The following USP16 variants were observed in gnomAD, a reference collection of about 807,000 sequenced individuals.
The protein encoded by USP16 is ubiquitin specific peptidase 16.
In USP16, 77 loss-of-function variants were observed where a neutral mutation model predicts 95.9. That is an observed-to-expected ratio of 0.80 (90% CI 0.67 to 0.97). The LOEUF (loss-of-function observed/expected upper bound fraction) is 0.97, where lower values mean the gene tolerates loss of function less well. Ranked by LOEUF, USP16 falls within the 50% of genes least tolerant of loss-of-function variation. USP16 has a pLI of 0.00. For synonymous variants in USP16, 303 were observed against 318.2 expected, an observed-to-expected ratio of 0.95 and a Z score of 0.51; for missense variants, 943 against 959.9, an observed-to-expected ratio of 0.98 and a Z score of 0.23.
chr21:29,035,751 C>G (rs2085145500), intron 4 of USP16, among the ~76,000 whole-genome samples: 1 of 151,592 alleles, frequency 6.6e-6, no homozygotes, highest in Non-Finnish European at 1.5e-5. Flanking sequence ...CCCATCTCTA[C>G]TAAAAATACA....
chr21:29,047,377 T>C (rs928467795), intron 14 of USP16, 56 bp downstream of exon 14: 15 of 1,531,566 alleles, frequency 9.8e-6, no homozygotes, highest in Middle Eastern at 1.8e-4. Context: ...CATTTTGCAC[T>C]GCATAGGTAG....
In USP16 at chr21:29,046,992, A is replaced by G. The variant is rs765292425; in HGVS notation, c.1682A>G (p.Tyr561Cys). The G allele has an allele frequency of 6.2e-7, 1 of 1,614,116 alleles. No homozygotes were observed. Among genetic ancestry groups the G allele is most frequent in the South Asian group, 1.1e-5 (1 of 91,088 alleles). Residue 561 changes from tyrosine to cysteine, a missense_variant, in exon 14 of 18, where the codon TAC becomes TGC. Tyr to Cys is a radical substitution (Grantham distance 194, BLOSUM62 -2). Coordinates refer to ENST00000399976, the MANE Select transcript of USP16 (RefSeq NM_006447.3). ...CCCACTAGGAATTTAAATGGTGCCT[A>G]CCTAACGGAAGGGAGCAATGGAGAA... ...SSPTRNLNGA[Y>C]LTEGSNGEVD...
At chr21:29,040,216 G>A (rs935667824) in intron 9 of USP16, among the ~76,000 whole-genome samples, 3 of 152,092 alleles carry the variant, frequency 2.0e-5, no homozygotes, top group Non-Finnish European at 4.4e-5. Flanking sequence ...CTGTAGAGAA[G>A]TTCAGTACCT....
chr21:29,053,693 C>T (rs1432686431), intron 16 of USP16, 109 bp from the exon 17 acceptor site: 4 of 1,117,586 alleles, frequency 3.6e-6, no homozygotes, highest in African/African-American at 1.6e-5. Flanking sequence ...GATTTCTGCA[C>T]TCTCAAAGTA....
Position 29,024,972 on chromosome 21 carries a change from C to T in USP16, c.-42+195C>T. 7 of 500,650 alleles carry T rather than the reference C, an allele frequency of 1.4e-5. No homozygotes were observed. In the South Asian group the frequency reaches 1.6e-4, roughly 12 times the overall value. 31.0% of individuals were successfully genotyped at this position (500,650 alleles called of 1,614,324 possible). A position where few individuals can be genotyped will look rare whatever the true frequency, so the allele number is the denominator to read the frequency against. ...TTCCAGAAGCTGGCCAATGAGATGCCGCTGCTGGCGGCCTTCTCGACCCCG... is the reference window on the plus strand; with the variant it reads ...TTCCAGAAGCTGGCCAATGAGATGCTGCTGCTGGCGGCCTTCTCGACCCCG... On this transcript the variant is annotated intron_variant, in intron 1 of 17. Transcript: ENST00000399976.
chr21:29,051,163 T>G (rs577492105), intron 16 of USP16, among the ~76,000 whole-genome samples: 5 of 151,642 alleles, frequency 3.3e-5, no homozygotes, highest in Admixed American at 3.3e-4. Flanking sequence ...CAGATGGGAG[T>G]GCTGTAAATT....
chr21:29,025,259 A>G (rs1041241265), intron 1 of USP16, among the ~76,000 whole-genome samples: 5 of 152,210 alleles, frequency 3.3e-5, no homozygotes, highest in African/African-American at 9.6e-5. Flanking sequence ...CCACACGCTT[A>G]CATTTTTAAT....
At chr21:29,025,861 C>G in intron 1 of USP16, 1 of 351,196 alleles carries the variant, frequency 2.8e-6, no homozygotes, top group Non-Finnish European at 4.0e-6. Context: ...TAGGCAGTTC[C>G]AAAACTGTGC....
In USP16 at chr21:29,037,264, C is replaced by T. The variant is rs1568888000; in HGVS notation, c.449-12C>T. Reference sequence around the variant, plus strand: ...TATTACACATTTTGCTAAATCTTTTCTTTTTTTAAAGCAGAGAAAGATAAT... The same window carrying T: ...TATTACACATTTTGCTAAATCTTTTTTTTTTTTAAAGCAGAGAAAGATAAT... On this transcript the variant is annotated splice_polypyrimidine_tract_variant and intron_variant, in intron 5 of 17. Transcript: ENST00000399976. 2 of 1,487,770 alleles carry T rather than the reference C, an allele frequency of 1.3e-6. No homozygotes were observed. The highest frequency in any genetic ancestry group is 2.8e-5 in the African/African-American group (2 of 70,332). The allele number at this position is 1,487,770 out of a possible 1,614,324, so 92.2% of individuals were successfully genotyped here.
At chr21:29,035,673 G>A (rs1019230477) in intron 4 of USP16, among the ~76,000 whole-genome samples, 1 of 151,960 alleles carries the variant, frequency 6.6e-6, no homozygotes, top group Non-Finnish European at 1.5e-5. Flanking sequence ...ATGAGCCACC[G>A]TGCCTGGCTT....
chr21:29,032,772 A>G (rs2085096198), intron 3 of USP16, among the ~76,000 whole-genome samples: 1 of 152,220 alleles, frequency 6.6e-6, no homozygotes, highest in African/African-American at 2.4e-5. Context: ...TTTCTCTAGG[A>G]TAAATGCCCA....
In USP16 at chr21:29,041,994, G is replaced by A; in HGVS notation, c.1031-19G>A. On this transcript the variant is annotated intron_variant, in intron 10 of 17. Transcript: ENST00000399976. ...ATATAACGGTAATTGGTAATTGATA[G>A]ACTTTTTTTTCTCCATAGATTATGA... The A allele has an allele frequency of 5.0e-6, 8 of 1,604,928 alleles. No individual in the cohort carries two copies. The highest frequency in any genetic ancestry group is 6.8e-6 in the Non-Finnish European group (8 of 1,173,546).
rs765786858 is a variant in USP16, at chr21:29,027,855, C to G, written c.-41-18C>G. Reference sequence around the variant, plus strand: ...ATACTTTTTTTTTTGGTCAAGCTAACTTTATCTTGTTTTCTAGATTGTTAT... The same window carrying G: ...ATACTTTTTTTTTTGGTCAAGCTAAGTTTATCTTGTTTTCTAGATTGTTAT... On this transcript the variant is annotated intron_variant, in intron 1 of 17. Coordinates refer to ENST00000399976, the MANE Select transcript of USP16 (RefSeq NM_006447.3). The G allele has an allele frequency of 1.3e-6, 2 of 1,595,442 alleles. No homozygotes were observed. Among genetic ancestry groups the G allele is most frequent in the Non-Finnish European group, 1.7e-6 (2 of 1,164,548 alleles).
intron 16 of USP16, chr21:29,052,175 A>T (rs182890396): frequency 1.3e-4 from 20 of 152,048 alleles, no homozygotes; most frequent in Non-Finnish European, 2.4e-4. Context: ...TTTAATGTAA[A>T]CTCTCAGGTG....
intron 5 of USP16, among the ~76,000 whole-genome samples, chr21:29,036,819 T>G (rs768961885): frequency 1.3e-5 from 2 of 152,230 alleles, no homozygotes; most frequent in Non-Finnish European, 2.9e-5. Flanking sequence ...TTTAAGCATG[T>G]TTTTTAAGTT....
rs531563810 is a variant in USP16, at chr21:29,033,870, G to A, written c.241-967G>A. ...AAGTATAGGCTTCTGGGAGGAGGTG[G>A]CTTTTGAGCAAGATCTTGAAGAGTG... On this transcript the variant is annotated intron_variant, in intron 3 of 17. Transcript: ENST00000399976. Among the ~76,000 whole-genome samples the A allele has an allele frequency of 5.3e-5, 8 of 152,300 alleles. No individual in the cohort carries two copies. In the South Asian group the frequency reaches 6.2e-4, roughly 12 times the overall value.
At position 29,044,471 on chromosome 21, in the gene USP16, G is replaced by T. The variant is rs186559755; in HGVS notation, c.1356+872G>T. ...TCTTTTTTTTTTTTTTTTTGAGATG[G>T]TGTCTCACTCTGTCGCCCAGGCTGG... On this transcript the variant is annotated intron_variant, in intron 13 of 17. Coordinates refer to ENST00000399976, the MANE Select transcript of USP16 (RefSeq NM_006447.3). 7.6e-4 allele frequency among the ~76,000 whole-genome samples: 104 copies of T among 136,044 alleles called. 1 individual carries two copies. The East Asian group carries it at 0.017, about 22-fold the overall frequency. 89.3% of individuals were successfully genotyped at this position (136,044 alleles called of 152,430 possible). A position where few individuals can be genotyped will look rare whatever the true frequency, so the allele number is the denominator to read the frequency against.
chr21:29,025,789 T>G, intron 1 of USP16: 1 of 939,272 alleles, frequency 1.1e-6, no homozygotes, highest in Non-Finnish European at 1.3e-6. Context: ...TCTATTTTTC[T>G]ATTTCAATGC....
chr21:29,046,846 G>A lies in USP16; in HGVS notation c.1536G>A (p.Gln512=). 1 of 1,614,090 alleles carries A rather than the reference G, an allele frequency of 6.2e-7. No individual in the cohort carries two copies. Among genetic ancestry groups the A allele is most frequent in the Non-Finnish European group, 8.5e-7 (1 of 1,180,006 alleles). Residue 512 remains glutamine (Q), a synonymous_variant, in exon 14 of 18, where the codon CAG becomes CAA. Coordinates refer to ENST00000399976, the MANE Select transcript of USP16 (RefSeq NM_006447.3). The part of the protein sequence containing the change: ...GVMHKEYCVN[Q]KDLNGQAKMI... ...TGCATAAAGAATATTGTGTCAACCA[G>A]AAAGATTTGAATGGCCAAGCAAAAA...
Sources: allele counts gnomAD v4.1 joint callset (sites outside exome capture counted in the v4.1 genomes callset), GRCh38; gene constraint gnomAD v4.1.1; transcripts MANE v1.5; gene names NCBI Gene and HGNC (gene_info 2026-07-23, HGNC 2026-07-21).